Variants in RRP12 observed in about 807,000 individuals in gnomAD.
The protein encoded by RRP12 is RRP12-like protein.
RRP12 carries 78 observed loss-of-function variants against 157.3 expected under a neutral mutation model. The ratio of observed to expected loss-of-function variants is 0.50; its 90% CI spans 0.41 to 0.60. The LOEUF (loss-of-function observed/expected upper bound fraction) is 0.60. RRP12 is among the 20% of genes least tolerant of loss of function. The pLI, the probability that RRP12 is intolerant of heterozygous loss-of-function variation, is 0.00. For missense variants in RRP12, 1,521 were observed against 1,679.9 expected, an observed-to-expected ratio of 0.91 and a Z score of 1.65; for synonymous variants, 726 against 670.9, an observed-to-expected ratio of 1.08 and a Z score of -1.27.
chr10:97,388,715 G>C (rs1844710716), intron 6 of RRP12, 91 bp from the exon 7 acceptor site: 3 of 1,482,756 alleles, frequency 2.0e-6, no homozygotes, highest in Non-Finnish European at 2.8e-6. Flanking sequence ...ATTAGCTTTG[G>C]CTGAAATATA....
Position 97,358,679 on chromosome 10 carries a change from C to G in RRP12, c.3709-60G>C. 3 of 1,292,894 alleles carry G rather than the reference C, an allele frequency of 2.3e-6. No individual in the cohort carries two copies. In the South Asian group the frequency reaches 3.6e-5, roughly 15 times the overall value. 80.1% of individuals were successfully genotyped at this position (1,292,894 alleles called of 1,614,324 possible). On this transcript the variant is annotated intron_variant, in intron 32 of 33. Coordinates refer to ENST00000370992, the MANE Select transcript of RRP12 (RefSeq NM_015179.4). Reference sequence around the variant, plus strand: ...GTGGGGTTCCCCTTCTGTCCCTGCCCTAGACTTGACAGGCCCCATAACCTC... The same window carrying G: ...GTGGGGTTCCCCTTCTGTCCCTGCCGTAGACTTGACAGGCCCCATAACCTC...
chr10:97,369,395 C>T (rs1394476208), intron 25 of RRP12, 30 bp downstream of exon 25: 1 of 1,605,950 alleles, frequency 6.2e-7, no homozygotes. Context: ...GGCCACCCTG[C>T]TACCTGCTAA....
At chr10:97,398,529 T>G (rs1204702840) in intron 2 of RRP12, among the ~76,000 whole-genome samples, 1 of 151,048 alleles carries the variant, frequency 6.6e-6, no homozygotes, top group Admixed American at 6.6e-5. Context: ...AATTTTTTAG[T>G]AGAGATGGGT....
intron 30 of RRP12, 94 bp from the exon 31 acceptor site, chr10:97,360,712 C>T: frequency 1.1e-6 from 1 of 917,296 alleles, no homozygotes; most frequent in Non-Finnish European, 1.8e-6. Flanking sequence ...CTGCATCAAG[C>T]AGGAGAGGCC....
chr10:97,356,891 C>A lies in RRP12; in HGVS notation c.*203G>T. ...AGAGGCACTGAGGCCACATTCCCAT[C>A]TCCAGGCACCAGGGATGTCTCTGAA... is the stretch of plus-strand genomic sequence containing the variant. On this transcript the variant is annotated 3_prime_UTR_variant, in exon 34 of 34. Transcript: ENST00000370992. 1 of 495,006 alleles carries A rather than the reference C, an allele frequency of 2.0e-6. No individual in the cohort carries two copies. The allele number at this position is 495,006 out of a possible 1,614,324, so 30.7% of individuals were successfully genotyped here.
intron 9 of RRP12, 110 bp from the exon 10 acceptor site, chr10:97,385,367 A>AC: frequency 1.2e-6 from 1 of 830,894 alleles, no homozygotes. Context: ...AGTGCTTGTG[A>AC]CCCTAGCACT....
At chr10:97,369,374 A>G (rs1478488106) in intron 25 of RRP12, 51 bp downstream of exon 25, 1 of 1,585,542 alleles carries the variant, frequency 6.3e-7, no homozygotes, top group Admixed American at 1.7e-5. Context: ...GGTCCATGCC[A>G]ACAGCTCAGA....
At chr10:97,397,275 C>T (rs1844992705) in intron 2 of RRP12, among the ~76,000 whole-genome samples, 2 of 152,056 alleles carry the variant, frequency 1.3e-5, no homozygotes, top group Non-Finnish European at 2.9e-5. Context: ...ATTCTCCTGC[C>T]TCAGCCTCCT....
rs753410133 is a variant in RRP12, at chr10:97,381,757, G to A, written c.1278C>T (p.Ser426=). The A allele has an allele frequency of 6.2e-7, 1 of 1,614,086 alleles. No homozygotes were observed. The highest frequency in any genetic ancestry group is 8.5e-7 in the Non-Finnish European group (1 of 1,180,026). ...CAGCAGTCAGCACTTGCGAGTGTGG[G>A]GAAAGGAGGCAGGTCACCGCAGTTC... is the stretch of plus-strand genomic sequence containing the variant. ...FFGTAVTCLL[S]PHSQVLTAAT... is the part of the protein sequence containing the mutation. Residue 426 remains serine, a synonymous_variant, in exon 11 of 34, where the codon TCC becomes TCT. Coordinates refer to ENST00000370992, the MANE Select transcript of RRP12 (RefSeq NM_015179.4).
chr10:97,392,223 A>C (rs1208924161), intron 4 of RRP12, among the ~76,000 whole-genome samples: 4 of 152,056 alleles, frequency 2.6e-5, no homozygotes, highest in African/African-American at 9.7e-5. Flanking sequence ...CACCTGCCTC[A>C]GCCTCCCAAA....
At chr10:97,379,187 C>G in intron 15 of RRP12, 106 bp downstream of exon 15, 1 of 1,347,324 alleles carries the variant, frequency 7.4e-7, no homozygotes, top group Non-Finnish European at 1.0e-6. Flanking sequence ...TGCCAAACGT[C>G]TTGAAGGCTG....
chr10:97,382,968 G>C (rs1844512155), intron 10 of RRP12, among the ~76,000 whole-genome samples: 1 of 151,766 alleles, frequency 6.6e-6, no homozygotes, highest in South Asian at 2.1e-4. Flanking sequence ...CGCCATTTTG[G>C]CCAGGCTAGT....
chr10:97,363,779 G>A, intron 30 of RRP12, 75 bp downstream of exon 30: 1 of 1,292,076 alleles, frequency 7.7e-7, no homozygotes, highest in South Asian at 1.2e-5. Context: ...ATGTCTACGT[G>A]TGGTGGGGGT....
rs375183446 is a variant in RRP12, at chr10:97,393,863, A to G, written c.454-103T>C. 440 of 892,094 alleles carry G rather than the reference A, an allele frequency of 4.9e-4. 2 individuals are homozygous for G. In the African/African-American group the frequency reaches 6.6e-3, roughly 13 times the overall value. The allele number at this position is 892,094 out of a possible 1,614,324, so 55.3% of individuals were successfully genotyped here. Reference sequence around the variant, plus strand: ...GCCCAGCAGAACAGTTGTGACTGAGAACCACGGTATCAGAGGTTCAGATCC... The same window carrying G: ...GCCCAGCAGAACAGTTGTGACTGAGGACCACGGTATCAGAGGTTCAGATCC... On this transcript the variant is annotated intron_variant, in intron 3 of 33. Transcript: ENST00000370992.
intron 12 of RRP12, 122 bp downstream of exon 12, chr10:97,381,263 AT>A (rs1406829844): frequency 2.8e-6 from 2 of 724,756 alleles, no homozygotes; most frequent in Non-Finnish European, 4.5e-6. Context: ...GCAGCCTGCA[AT>A]CCCGTAAAGC....
In RRP12 at chr10:97,385,458, C is replaced by A. The variant is rs1844603187; in HGVS notation, c.1117-201G>T. Among the ~76,000 whole-genome samples the A allele has an allele frequency of 2.6e-5, 4 of 152,020 alleles. No homozygotes were observed. The South Asian group carries it at 8.3e-4, about 31-fold the overall frequency. On this transcript the variant is annotated intron_variant, in intron 9 of 33. Coordinates refer to ENST00000370992, the MANE Select transcript of RRP12 (RefSeq NM_015179.4). ...CAGCTCTAATTCTTTGGGAGAACAG[C>A]CTCTAGGAGCAGCGGAGTATCATGG... is the stretch of plus-strand genomic sequence containing the variant.
In RRP12 at chr10:97,385,170, C is replaced by A. The variant is rs1195640268; in HGVS notation, c.1204G>T (p.Val402Leu). Residue 402 changes from valine to leucine, a missense_variant, in exon 10 of 34, where the codon GTG becomes TTG. Physicochemically the swap from Val to Leu is conservative, Grantham distance 32. Coordinates refer to ENST00000370992, the MANE Select transcript of RRP12 (RefSeq NM_015179.4). ...GCACCCCTCCTTCATCCGTACCTCACCAGGTTGATGTGGGCTTTCTCCATG... is the reference window on the plus strand; with the variant it reads ...GCACCCCTCCTTCATCCGTACCTCAACAGGTTGATGTGGGCTTTCTCCATG... ...KVMEKAHINL[V>L]RLQWDLGLGH... 2 of 1,612,412 alleles carry A rather than the reference C, an allele frequency of 1.2e-6. No homozygotes were observed. Among genetic ancestry groups the A allele is most frequent in the Non-Finnish European group, 1.7e-6 (2 of 1,178,646 alleles).
intron 32 of RRP12, 54 bp from the exon 33 acceptor site, chr10:97,358,673 C>T (rs1843771669): frequency 2.9e-6 from 4 of 1,380,126 alleles, no homozygotes; most frequent in Non-Finnish European, 3.1e-6. Flanking sequence ...CCCTTCTGTC[C>T]CTGCCCTAGA....
intron 15 of RRP12, among the ~76,000 whole-genome samples, chr10:97,375,261 T>TAAAAA (rs11378492): frequency 7.3e-6 from 1 of 137,296 alleles, no homozygotes; most frequent in Non-Finnish European, 1.5e-5. Context: ...CCTGGCTAAC[T>TAAAAA]AAAAAAAAAA....
Sources: allele counts gnomAD v4.1 joint callset (sites outside exome capture counted in the v4.1 genomes callset), GRCh38; gene constraint gnomAD v4.1.1; transcripts MANE v1.5; gene names NCBI Gene and HGNC (gene_info 2026-07-23, HGNC 2026-07-21).